Variants in PDE11A observed in about 807,000 individuals in gnomAD.
The protein encoded by PDE11A is phosphodiesterase 11A, also known as dual 3',5'-cyclic-AMP and -GMP phosphodiesterase 11A.
PDE11A carries 100 observed loss-of-function variants against 100.5 expected under a neutral mutation model. The ratio of observed to expected loss-of-function variants is 1.00; its 90% CI spans 0.85 to 1.18. The LOEUF is 1.18. PDE11A is among the 50% of genes most tolerant of loss of function. The pLI, the probability that PDE11A is intolerant of heterozygous loss-of-function variation, is 0.00. For missense variants in PDE11A, 1,141 were observed against 1,152.6 expected, an observed-to-expected ratio of 0.99 and a Z score of 0.15; for synonymous variants, 381 against 420.8, an observed-to-expected ratio of 0.91 and a Z score of 1.16.
At chr2:177,965,280 G>C (rs1008260542) in intron 2 of PDE11A, among the ~76,000 whole-genome samples, 1 of 152,138 alleles carries the variant, frequency 6.6e-6, no homozygotes, top group African/African-American at 2.4e-5. Context: ...GCCTTTGTCA[G>C]ATGCATAATT....
Position 178,072,562 on chromosome 2 carries a change from G to C in PDE11A, c.-125C>G, listed in dbSNP as rs1268492462. On this transcript the variant is annotated 5_prime_UTR_variant, in exon 1 of 20. Coordinates refer to ENST00000286063, the MANE Select transcript of PDE11A (RefSeq NM_016953.4). ...TCCCAGTTCAGCGCCACCTCCCCTG[G>C]AGATTATTCCCAGCAGTGGAATCTG... 6.5e-7 allele frequency: 1 copy of C among 1,537,990 alleles called. No homozygotes were observed. The highest frequency in any genetic ancestry group is 1.4e-5 in the African/African-American group (1 of 73,112).
intron 2 of PDE11A, among the ~76,000 whole-genome samples, chr2:177,995,624 C>A: frequency 6.9e-6 from 1 of 145,754 alleles, no homozygotes; most frequent in South Asian, 2.2e-4. Flanking sequence ...ATGCCCATGA[C>A]ATTAAATACT....
At chr2:177,745,807 T>A (rs762320848) in intron 10 of PDE11A, among the ~76,000 whole-genome samples, 5 of 152,238 alleles carry the variant, frequency 3.3e-5, no homozygotes, top group Non-Finnish European at 7.3e-5. Flanking sequence ...CCACTACAGC[T>A]TGTCAGGCGG....
intron 7 of PDE11A, among the ~76,000 whole-genome samples, chr2:177,819,868 T>TTCTCTCTCTCTCTCTCTCTCTCTC (rs34374310): frequency 1.4e-5 from 2 of 139,084 alleles, no homozygotes; most frequent in Non-Finnish European, 3.1e-5. Flanking sequence ...CTTTCTCTCT[T>TTCTCTCTCTCTCTCTCTCTCTCTC]TCTCTCTCTC....
At chr2:177,889,501 C>G (rs1046259612) in intron 4 of PDE11A, among the ~76,000 whole-genome samples, 1 of 151,078 alleles carries the variant, frequency 6.6e-6, no homozygotes. Context: ...TTTTCCTGTT[C>G]CATTTGCCAT....
chr2:177,834,196 A>G (rs2083354306), intron 6 of PDE11A, among the ~76,000 whole-genome samples: 1 of 152,190 alleles, frequency 6.6e-6, no homozygotes, highest in South Asian at 2.1e-4. Flanking sequence ...TAGCTGACCT[A>G]AGGAGCAAAA....
chr2:177,853,674 A>ATGTGTGTG (rs2083764463), intron 5 of PDE11A, among the ~76,000 whole-genome samples: 1 of 34,378 alleles, frequency 2.9e-5, no homozygotes, highest in South Asian at 1.3e-3. Flanking sequence ...ATATATATAT[A>ATGTGTGTG]TATATATGTG....
intron 5 of PDE11A, among the ~76,000 whole-genome samples, chr2:177,855,354 C>T (rs767003105): frequency 5.3e-5 from 8 of 151,900 alleles, no homozygotes; most frequent in African/African-American, 1.5e-4. Context: ...ATAAAAGCAG[C>T]GAGAATACTA....
At chr2:177,725,211 A>C (rs554804441) in intron 12 of PDE11A, among the ~76,000 whole-genome samples, 2 of 152,100 alleles carry the variant, frequency 1.3e-5, no homozygotes, top group Non-Finnish European at 2.9e-5. Context: ...TTTTAGCTAC[A>C]CTGATTGAGT....
At chr2:177,778,937 A>T (rs1233141273) in intron 9 of PDE11A, among the ~76,000 whole-genome samples, 5 of 148,162 alleles carry the variant, frequency 3.4e-5, no homozygotes, top group East Asian at 2.0e-4. Context: ...AAATATTTTT[A>T]AAAAATCTAA....
At chr2:178,045,349 A>C (rs1269028311) in intron 1 of PDE11A, among the ~76,000 whole-genome samples, 1 of 152,224 alleles carries the variant, frequency 6.6e-6, no homozygotes, top group Non-Finnish European at 1.5e-5. Context: ...GTGATGAAAA[A>C]TGAAAGTTTT....
intron 6 of PDE11A, among the ~76,000 whole-genome samples, chr2:177,834,353 C>A (rs1454912969): frequency 6.6e-6 from 1 of 152,248 alleles, no homozygotes; most frequent in East Asian, 1.9e-4. Context: ...CCCTTCCCCA[C>A]CCCATCATTC....
intron 1 of PDE11A, among the ~76,000 whole-genome samples, chr2:178,029,212 T>C (rs1314549984): frequency 1.3e-5 from 2 of 152,178 alleles, no homozygotes; most frequent in Non-Finnish European, 2.9e-5. Context: ...GAAAAGTTTA[T>C]GAAAATTCAC....
intron 4 of PDE11A, among the ~76,000 whole-genome samples, chr2:177,896,694 C>A: frequency 6.6e-6 from 1 of 152,342 alleles, no homozygotes; most frequent in South Asian, 2.1e-4. Flanking sequence ...GTCACACAAC[C>A]TTCTGAGCCT....
intron 2 of PDE11A, among the ~76,000 whole-genome samples, chr2:177,944,152 CTG>C (rs996295743): frequency 6.6e-6 from 1 of 152,160 alleles, no homozygotes; most frequent in Non-Finnish European, 1.5e-5. Context: ...GGAAAGAAGA[CTG>C]TATGGTAATG....
chr2:177,809,024 T>C (rs1376040091), intron 9 of PDE11A, among the ~76,000 whole-genome samples: 5 of 152,168 alleles, frequency 3.3e-5, no homozygotes, highest in Non-Finnish European at 7.3e-5. Context: ...AGGACAAATA[T>C]TGCATGATTC....
intron 9 of PDE11A, among the ~76,000 whole-genome samples, chr2:177,809,211 T>A (rs1044167666): frequency 6.6e-6 from 1 of 152,180 alleles, no homozygotes; most frequent in Non-Finnish European, 1.5e-5. Context: ...ACAACGTGAA[T>A]GTACTTAGTA....
chr2:178,081,506 A>G (rs2087285095), intron 2 of PDE11A, among the ~76,000 whole-genome samples: 1 of 152,350 alleles, frequency 6.6e-6, no homozygotes, highest in South Asian at 2.1e-4. Flanking sequence ...AGCACAGTAC[A>G]AAGTGTCATT....
intron 2 of PDE11A, among the ~76,000 whole-genome samples, chr2:177,995,652 C>CCG (rs926717213): frequency 3.2e-4 from 47 of 149,126 alleles, no homozygotes; most frequent in Admixed American, 1.3e-3. Context: ...CACCACCCAC[C>CCG]CCGCATCTGC....
Sources: gnomAD v4.1 joint callset for allele counts (sites outside exome capture counted in the v4.1 genomes callset) on GRCh38, gnomAD v4.1.1 for gene constraint, MANE v1.5 for transcripts, NCBI Gene and HGNC (gene_info 2026-07-23, HGNC 2026-07-21) for gene names.